Variants in C3orf33 observed in about 807,000 individuals in gnomAD.
C3orf33 encodes AP-1 activity suppressor.
Under a neutral mutation model 28.7 loss-of-function variants are expected in C3orf33, and 23 were observed. The observed-to-expected ratio is 0.80, with a 90% CI of 0.58 to 1.13. The LOEUF is 1.13. Ranked by LOEUF, C3orf33 falls within the 50% of genes most tolerant of loss-of-function variation. The pLI, the probability that C3orf33 is intolerant of heterozygous loss-of-function variation, is 0.00. For synonymous variants in C3orf33, 119 were observed against 120.5 expected, an observed-to-expected ratio of 0.99 and a Z score of 0.08; for missense variants, 327 against 353.4, an observed-to-expected ratio of 0.93 and a Z score of 0.60.
chr3:155,776,769 A>AAAAAAAAG, intron 2 of C3orf33, among the ~76,000 whole-genome samples: 1 of 90,606 alleles, frequency 1.1e-5, no homozygotes, highest in African/African-American at 4.9e-5. Context: ...CAAAAAAAAA[A>AAAAAAAAG]AAAAAAAAAA....
chr3:155,795,527 G>GGAATA (rs1751450380), intron 2 of C3orf33, among the ~76,000 whole-genome samples: 4 of 151,950 alleles, frequency 2.6e-5, no homozygotes, highest in Admixed American at 2.6e-4. Flanking sequence ...TGACTACAAT[G>GGAATA]GAATACAACT....
intron 2 of C3orf33, among the ~76,000 whole-genome samples, chr3:155,801,309 CAAAAAA>C (rs59221219): frequency 3.0e-4 from 37 of 122,810 alleles, no homozygotes; most frequent in Admixed American, 1.4e-3. Flanking sequence ...AGACTCTGTC[CAAAAAA>C]AAAAAAAAAA....
chr3:155,787,559 C>T (rs1488914061), intron 2 of C3orf33, among the ~76,000 whole-genome samples: 1 of 151,908 alleles, frequency 6.6e-6, no homozygotes, highest in South Asian at 2.1e-4. Flanking sequence ...ACTGTGTTGC[C>T]CAGGCTGGTC....
intron 3 of C3orf33, among the ~76,000 whole-genome samples, chr3:155,774,853 C>T (rs1419118681): frequency 6.6e-6 from 1 of 152,000 alleles, no homozygotes; most frequent in Non-Finnish European, 1.5e-5. Flanking sequence ...GCATCATGCT[C>T]TTTCTCACCT....
At chr3:155,769,269 G>C (rs1750503283) in intron 3 of C3orf33, among the ~76,000 whole-genome samples, 1 of 149,990 alleles carries the variant, frequency 6.7e-6, no homozygotes, top group Admixed American at 6.7e-5. Context: ...CCAAGATCGT[G>C]CCATTGCACT....
intron 2 of C3orf33, among the ~76,000 whole-genome samples, chr3:155,796,182 T>G (rs1751471527): frequency 1.3e-5 from 2 of 151,684 alleles, no homozygotes; most frequent in South Asian, 4.2e-4. Context: ...GAAATTGCAG[T>G]GAAGGAATAC....
intron 2 of C3orf33, among the ~76,000 whole-genome samples, chr3:155,779,325 C>T (rs947763822): frequency 6.6e-6 from 1 of 152,016 alleles, no homozygotes; most frequent in Non-Finnish European, 1.5e-5. Flanking sequence ...GACAGAGTCT[C>T]GCTCTGTTGC....
intron 4 of C3orf33, 148 bp from the exon 5 acceptor site, chr3:155,764,066 C>A: frequency 2.0e-6 from 1 of 489,942 alleles, no homozygotes; most frequent in Non-Finnish European, 3.3e-6. Flanking sequence ...CCCAAAACAG[C>A]TCTTGCGAAA....
rs568678720 is a variant in C3orf33, at chr3:155,779,336, C to T, written c.175-3488G>A. 7.2e-4 allele frequency among the ~76,000 whole-genome samples: 110 copies of T among 152,160 alleles called. 1 individual carries two copies. The highest frequency in any genetic ancestry group is 5.2e-3 in the Admixed American group (79 of 15,280). The stretch of plus-strand genomic sequence containing the variant: ...TTGAGACAGAGTCTCGCTCTGTTGC[C>T]CAGGCTGGAGTGCAGTGGCATGATC... On this transcript the variant is annotated intron_variant, in intron 2 of 4. Coordinates refer to ENST00000340171, the MANE Select transcript of C3orf33 (RefSeq NM_001308229.2).
chr3:155,763,468 T>C lies in C3orf33; in HGVS notation c.*49A>G. On this transcript the variant is annotated 3_prime_UTR_variant, in exon 5 of 5. Transcript: ENST00000340171. ...ATTCAATGAAAAACGTCCATATATT[T>C]ACATATTTCACTCTTTGGAGAAGGT... The C allele has an allele frequency of 7.4e-7, 1 of 1,357,354 alleles. No homozygotes were observed. Among genetic ancestry groups the C allele is most frequent in the Non-Finnish European group, 9.6e-7 (1 of 1,039,332 alleles). 84.1% of individuals were successfully genotyped at this position (1,357,354 alleles called of 1,614,324 possible). A position where few individuals can be genotyped will look rare whatever the true frequency, so the allele number is the denominator to read the frequency against.
At chr3:155,802,121 A>G (rs962485689) in intron 2 of C3orf33, among the ~76,000 whole-genome samples, 1 of 152,250 alleles carries the variant, frequency 6.6e-6, no homozygotes, top group African/African-American at 2.4e-5. Flanking sequence ...ATTGAAAGAA[A>G]TAAGAAAATG....
rs568428940 is a variant in C3orf33 at position 155,798,281 on chromosome 3, T to C, written c.174+4251A>G. 1.2e-4 allele frequency among the ~76,000 whole-genome samples: 18 copies of C among 152,218 alleles called. No homozygotes were observed. In the South Asian group the frequency reaches 3.5e-3, roughly 30 times the overall value. ...AGAAACAGAAAAAACAATCCTCAAATTTCTATGGAGCCATAAAAGACCCAG... is the reference window on the plus strand; with the variant it reads ...AGAAACAGAAAAAACAATCCTCAAACTTCTATGGAGCCATAAAAGACCCAG... On this transcript the variant is annotated intron_variant, in intron 2 of 4. Transcript: ENST00000340171.
intron 2 of C3orf33, among the ~76,000 whole-genome samples, chr3:155,780,366 C>G (rs557699229): frequency 6.6e-6 from 1 of 152,174 alleles, no homozygotes; most frequent in African/African-American, 2.4e-5. Flanking sequence ...TCCAGCTCTG[C>G]CATTTACTAG....
intron 1 of C3orf33, among the ~76,000 whole-genome samples, chr3:155,805,918 C>A (rs1450617377): frequency 6.6e-6 from 1 of 152,160 alleles, no homozygotes; most frequent in East Asian, 1.9e-4. Flanking sequence ...CAGAACAGTC[C>A]TTGTAATAAT....
chr3:155,763,916 AC>A lies in C3orf33; in HGVS notation c.485del (p.Gly162ValfsTer6), dbSNP rs766362355. 2.1e-6 allele frequency: 3 copies of A among 1,419,982 alleles called. No homozygotes were observed. In the East Asian group the frequency reaches 7.7e-5, roughly 37 times the overall value. The allele number at this position is 1,419,982 out of a possible 1,614,324, so 88.0% of individuals were successfully genotyped here. A position where few individuals can be genotyped will look rare whatever the true frequency, so the allele number is the denominator to read the frequency against. On this transcript the variant is annotated frameshift_variant and splice_region_variant, in exon 5 of 5. Coordinates refer to ENST00000340171, the MANE Select transcript of C3orf33 (RefSeq NM_001308229.2). LOFTEE classifies it high-confidence loss of function. ...CATTCAGATTCACGCTGAAATATCCACCCTTGAATTTAAAAATAATACAAAC... is the reference window on the plus strand; with the variant it reads ...CATTCAGATTCACGCTGAAATATCCACCTTGAATTTAAAAATAATACAAAC... The part of the protein sequence containing the change: ...ALFCYLLVSK[G>X]GYFSVNLNEE...
chr3:155,770,413 A>G (rs980580405), intron 3 of C3orf33, among the ~76,000 whole-genome samples: 1 of 152,218 alleles, frequency 6.6e-6, no homozygotes, highest in South Asian at 2.1e-4. Context: ...CAGAGCCAAA[A>G]AAATCCTGTG....
chr3:155,766,761 C>A (rs1037978425), intron 4 of C3orf33, among the ~76,000 whole-genome samples: 2 of 152,042 alleles, frequency 1.3e-5, no homozygotes, highest in African/African-American at 4.8e-5. Flanking sequence ...CCTGCCTGGC[C>A]AACATGGCAA....
intron 2 of C3orf33, among the ~76,000 whole-genome samples, chr3:155,778,745 G>A (rs541213369): frequency 2.0e-5 from 3 of 152,238 alleles, no homozygotes; most frequent in Admixed American, 2.0e-4. Context: ...ATAGTCAGAT[G>A]GTTCCCAACA....
intron 2 of C3orf33, among the ~76,000 whole-genome samples, chr3:155,776,759 C>CAAAAAAAAAAAAAAAAAAAAAAAAAAA (rs10654812): frequency 1.0e-4 from 9 of 86,888 alleles, no homozygotes; most frequent in African/African-American, 1.3e-4. Context: ...CTGACTCTGT[C>CAAAAAAAAAAAAAAAAAAAAAAAAAAA]AAAAAAAAAA....
Sources: gnomAD v4.1 joint callset for allele counts (sites outside exome capture counted in the v4.1 genomes callset) on GRCh38, gnomAD v4.1.1 for gene constraint, MANE v1.5 for transcripts, NCBI Gene and HGNC (gene_info 2026-07-23, HGNC 2026-07-21) for gene names.